PCDHA5: variants seen among roughly 807,000 people sequenced by gnomAD.
PCDHA5 encodes the protein protocadherin alpha 5.
In PCDHA5, 43 loss-of-function variants were observed where a neutral mutation model predicts 61.6. That is an observed-to-expected ratio of 0.70 (90% CI 0.55 to 0.90). PCDHA5 has a LOEUF of 0.90. Among genes scored for constraint, PCDHA5 ranks in the 40% least tolerant of loss-of-function variants. PCDHA5 has a pLI of 0.00. For synonymous variants in PCDHA5, 627 were observed against 543.9 expected (o/e 1.15, Z -2.13); for missense variants, 1,298 against 1,222.7 (o/e 1.06, Z -0.92).
intron 1 of PCDHA5, among the ~76,000 whole-genome samples, chr5:140,846,531 T>C (rs1780536785): frequency 6.7e-6 from 1 of 148,410 alleles, no homozygotes; most frequent in African/African-American, 2.5e-5. Flanking sequence ...CATGCCACCA[T>C]GCCCTGCTAA....
chr5:140,882,666 T>G, intron 1 of PCDHA5: 1 of 1,614,160 alleles, frequency 6.2e-7, no homozygotes, highest in Non-Finnish European at 8.5e-7. Flanking sequence ...CCGCCCATAT[T>G]CCCTGAAAGC....
chr5:140,885,293 G>C (rs945786135), intron 1 of PCDHA5, among the ~76,000 whole-genome samples: 8 of 152,122 alleles, frequency 5.3e-5, no homozygotes, highest in Non-Finnish European at 1.5e-5. Context: ...TATAGAGAGA[G>C]ACCTGGTAGG....
chr5:140,877,422 G>A (rs781813282), intron 1 of PCDHA5: 2 of 1,613,784 alleles, frequency 1.2e-6, no homozygotes, highest in Admixed American at 1.7e-5. Context: ...TGCTGGTGCT[G>A]GTGAAGGACC....
chr5:140,984,392 G>C (rs914978799), intron 3 of PCDHA5, among the ~76,000 whole-genome samples: 1 of 152,156 alleles, frequency 6.6e-6, no homozygotes, highest in South Asian at 2.1e-4. Context: ...TTCAAAAAAT[G>C]TTGAGAACCT....
intron 1 of PCDHA5, chr5:140,863,232 G>A (rs1283717964): frequency 8.1e-7 from 1 of 1,230,740 alleles, no homozygotes; most frequent in Non-Finnish European, 1.1e-6. Context: ...AGGTCCCATC[G>A]CGGGCTTTGG....
chr5:140,961,915 G>T (rs1393178053), intron 1 of PCDHA5, among the ~76,000 whole-genome samples: 4 of 146,912 alleles, frequency 2.7e-5, no homozygotes, highest in Non-Finnish European at 4.5e-5. Context: ...ATGGAGTCTC[G>T]CTCTGTTGCC....
At chr5:140,826,204 T>G (rs1396641472) in intron 1 of PCDHA5, among the ~76,000 whole-genome samples, 2 of 152,236 alleles carry the variant, frequency 1.3e-5, no homozygotes, top group South Asian at 4.1e-4. Context: ...ATGGTCACAT[T>G]TTAAAAAATC....
intron 1 of PCDHA5, among the ~76,000 whole-genome samples, chr5:140,977,739 T>C (rs1198089748): frequency 1.3e-5 from 2 of 152,206 alleles, no homozygotes; most frequent in South Asian, 2.1e-4. Context: ...CTGGGTGTTA[T>C]GAAGAAATGT....
At chr5:140,927,172 G>A (rs782548172) in intron 1 of PCDHA5, 7 of 1,614,034 alleles carry the variant, frequency 4.3e-6, no homozygotes, top group East Asian at 4.5e-5. Context: ...AGCTGCCTGC[G>A]TCTTGACCTA....
At chr5:140,962,676 G>C (rs1201696145) in intron 1 of PCDHA5, among the ~76,000 whole-genome samples, 1 of 152,126 alleles carries the variant, frequency 6.6e-6, no homozygotes, top group Non-Finnish European at 1.5e-5. Context: ...CCATCCACTG[G>C]ATGTTTTATC....
chr5:140,858,459 TC>T, intron 1 of PCDHA5: 5 of 1,527,032 alleles, frequency 3.3e-6, no homozygotes, highest in Non-Finnish European at 4.4e-6. Context: ...GTTTTCATTT[TC>T]CTTTTGTGCT....
At chr5:140,829,476 T>C in intron 1 of PCDHA5, 1 of 1,613,798 alleles carries the variant, frequency 6.2e-7, no homozygotes, top group South Asian at 1.1e-5. Flanking sequence ...GAGTACACAG[T>C]GTTCGTGAAG....
Position 140,997,281 on chromosome 5 carries a change from T to C in PCDHA5, c.2501-12346T>C, listed in dbSNP as rs143161972. Reference sequence around the variant, plus strand: ...CTCTTCCAAATATTTCTTGCATCACTTAACAATGGGGATACACTGAGAAAT... The same window carrying C: ...CTCTTCCAAATATTTCTTGCATCACCTAACAATGGGGATACACTGAGAAAT... On this transcript the variant is annotated intron_variant, in intron 3 of 3. Transcript: ENST00000529859. 1.4e-3 allele frequency among the ~76,000 whole-genome samples: 209 copies of C among 152,340 alleles called. 2 individuals carry two copies. Among genetic ancestry groups the C allele is most frequent in the African/African-American group, 4.7e-3 (195 of 41,574 alleles).
At chr5:140,975,750 CTA>C (rs2096680444) in intron 1 of PCDHA5, among the ~76,000 whole-genome samples, 2 of 152,118 alleles carry the variant, frequency 1.3e-5, no homozygotes, top group African/African-American at 4.8e-5. Flanking sequence ...CTCAAATATT[CTA>C]TGTCATAAAT....
intron 1 of PCDHA5, chr5:140,850,027 A>G (rs2150464152): frequency 2.5e-6 from 4 of 1,596,758 alleles, no homozygotes; most frequent in Non-Finnish European, 3.4e-6. Context: ...GTGTCAGTGC[A>G]CGCGGAGAGC....
intron 1 of PCDHA5, among the ~76,000 whole-genome samples, chr5:140,935,364 G>A (rs1480423579): frequency 2.0e-5 from 3 of 152,008 alleles, no homozygotes; most frequent in African/African-American, 4.8e-5. Flanking sequence ...TTTCATTAAC[G>A]TCAACAGAAT....
chr5:140,833,390 T>G (rs1349279965), intron 1 of PCDHA5, among the ~76,000 whole-genome samples: 2 of 152,166 alleles, frequency 1.3e-5, no homozygotes, highest in Non-Finnish European at 2.9e-5. Context: ...ATGAAATACC[T>G]CAAGACTTGA....
chr5:140,857,042 C>A, intron 1 of PCDHA5: 1 of 1,595,550 alleles, frequency 6.3e-7, no homozygotes, highest in South Asian at 1.1e-5. Flanking sequence ...TATGGTTGGT[C>A]ACTGCACGGT....
intron 1 of PCDHA5, chr5:140,927,033 G>A (rs2083768533): frequency 1.2e-6 from 2 of 1,612,344 alleles, no homozygotes; most frequent in Non-Finnish European, 1.7e-6. Flanking sequence ...GGCTGCCAGC[G>A]GCCGCTATGT....
Sources: gnomAD v4.1 joint callset for allele counts (sites outside exome capture counted in the v4.1 genomes callset) on GRCh38, gnomAD v4.1.1 for gene constraint, MANE v1.5 for transcripts, NCBI Gene and HGNC (gene_info 2026-07-23, HGNC 2026-07-21) for gene names.